Variants in CAMTA1 observed in about 807,000 individuals in gnomAD.
CAMTA1 encodes calmodulin-binding transcription activator 1.
Under a neutral mutation model 170.9 loss-of-function variants are expected in CAMTA1, and 27 were observed. The ratio of observed to expected loss-of-function variants is 0.16; its 90% CI spans 0.12 to 0.22. The LOEUF is 0.22. Among genes scored for constraint, CAMTA1 ranks in the 10% least tolerant of loss-of-function variants. The pLI, the probability that CAMTA1 is intolerant of heterozygous loss-of-function variation, is 1.00. For missense variants in CAMTA1, 1,619 were observed against 2,217.2 expected, an observed-to-expected ratio of 0.73 and a Z score of 5.42; for synonymous variants, 833 against 891.5, an observed-to-expected ratio of 0.93 and a Z score of 1.17.
rs1673636715 is a variant in CAMTA1 at position 6,887,787 on chromosome 1, G to A, written c.234+62577G>A. 2.7e-5 allele frequency: 41 copies of A among 1,531,128 alleles called. No homozygotes were observed. Among genetic ancestry groups the A allele is most frequent in the Non-Finnish European group, 3.5e-5 (40 of 1,144,634 alleles). 94.8% of individuals were successfully genotyped at this position (1,531,128 alleles called of 1,614,324 possible). A position where few individuals can be genotyped will look rare whatever the true frequency, so the allele number is the denominator to read the frequency against. ...AGCTTTCCCATCCTGCCAGCCCCAT[G>A]TCTGGCTTTAAGACAGTTCTATTAG... On this transcript the variant is annotated intron_variant, in intron 3 of 22. Transcript: ENST00000303635. This position sits in a 1 kb window ranked among gnomAD's most constrained non-coding sequence, Gnocchi z 4.1.
intron 4 of CAMTA1, among the ~76,000 whole-genome samples, chr1:7,154,586 C>T (rs1646758250): frequency 6.6e-6 from 1 of 152,114 alleles, no homozygotes; most frequent in African/African-American, 2.4e-5. Flanking sequence ...CTGTCCTGTG[C>T]GTGTGATACT....
At chr1:7,652,888 A>G (rs1205901701) in intron 7 of CAMTA1, among the ~76,000 whole-genome samples, 1 of 151,924 alleles carries the variant, frequency 6.6e-6, no homozygotes, top group African/African-American at 2.4e-5. Flanking sequence ...CTCACCCCCT[A>G]CGCACCTGCT....
chr1:7,136,076 A>G (rs775415389), intron 4 of CAMTA1, among the ~76,000 whole-genome samples: 6 of 151,752 alleles, frequency 4.0e-5, no homozygotes, highest in Non-Finnish European at 7.4e-5. Flanking sequence ...TTTTAAATGT[A>G]TGATCCCTAC....
intron 4 of CAMTA1, among the ~76,000 whole-genome samples, chr1:7,241,189 A>G (rs770643362): frequency 4.5e-4 from 69 of 152,258 alleles, no homozygotes; most frequent in Non-Finnish European, 8.8e-4. Context: ...AATTTCATTC[A>G]TAATATCTTC....
At chr1:6,941,248 G>A (rs34030923) in intron 3 of CAMTA1, among the ~76,000 whole-genome samples, 39,415 of 152,014 alleles carry the variant, frequency 0.26, 5,680 homozygotes, top group East Asian at 0.34. Context: ...AGTTGTCTGC[G>A]GGGCACTGGG....
chr1:7,354,168 AG>A (rs2084916916), intron 5 of CAMTA1, among the ~76,000 whole-genome samples: 1 of 130,910 alleles, frequency 7.6e-6, no homozygotes, highest in African/African-American at 3.3e-5. Context: ...TTTTTTTTTG[AG>A]ACAGAGTCTT....
At chr1:7,727,202 A>G (rs1202573108) in intron 11 of CAMTA1, among the ~76,000 whole-genome samples, 1 of 148,024 alleles carries the variant, frequency 6.8e-6, no homozygotes, top group Non-Finnish European at 1.5e-5. Flanking sequence ...GGCTCACTGC[A>G]AGCTCCGCCT....
intron 6 of CAMTA1, among the ~76,000 whole-genome samples, chr1:7,544,476 T>C (rs2094661485): frequency 6.6e-6 from 1 of 152,090 alleles, no homozygotes; most frequent in African/African-American, 2.4e-5. Context: ...CCATTGAGGG[T>C]CTTTGTGCCA....
At chr1:6,892,349 C>A (rs1309016973) in intron 3 of CAMTA1, among the ~76,000 whole-genome samples, 1 of 152,094 alleles carries the variant, frequency 6.6e-6, no homozygotes, top group African/African-American at 2.4e-5. Context: ...TAACTGCGGC[C>A]CCCTCTGAGA....
chr1:6,920,396 C>T (rs1056581582), intron 3 of CAMTA1, among the ~76,000 whole-genome samples: 2 of 152,206 alleles, frequency 1.3e-5, no homozygotes, highest in African/African-American at 4.8e-5. Flanking sequence ...TTGTAGGGTA[C>T]AGCCTCCCTC....
At chr1:7,656,464 C>T (rs916401411) in intron 7 of CAMTA1, among the ~76,000 whole-genome samples, 1 of 152,260 alleles carries the variant, frequency 6.6e-6, no homozygotes. Context: ...CCTCACTTAA[C>T]CGTAATTACC....
intron 4 of CAMTA1, among the ~76,000 whole-genome samples, chr1:7,147,139 A>G (rs57518633): frequency 0.059 from 8,990 of 152,124 alleles, 636 homozygotes; most frequent in African/African-American, 0.17. Flanking sequence ...TATACCACAC[A>G]GCCAGGCATG....
rs564810048 is a variant in CAMTA1 at position 6,875,806 on chromosome 1, C to T, written c.234+50596C>T. Among the ~76,000 whole-genome samples, 13 of 152,344 alleles carry T rather than the reference C, an allele frequency of 8.5e-5. No individual in the cohort carries two copies. In the South Asian group the frequency reaches 2.1e-3, roughly 24 times the overall value. On this transcript the variant is annotated intron_variant, in intron 3 of 22. Transcript: ENST00000303635. ...AAGAAACACTTGCCCCATCCCAAGA[C>T]TCTTGTTCTAGAGAGATGGATAGGT...
intron 3 of CAMTA1, among the ~76,000 whole-genome samples, chr1:6,892,620 TGTG>T (rs1674766671): frequency 7.3e-6 from 1 of 136,674 alleles, no homozygotes; most frequent in Non-Finnish European, 1.6e-5. Flanking sequence ...TTTTTGCAAA[TGTG>T]GTGGGGGTAG....
At chr1:6,903,737 A>G (rs561978949) in intron 3 of CAMTA1, among the ~76,000 whole-genome samples, 350 of 152,324 alleles carry the variant, frequency 2.3e-3, no homozygotes, top group Non-Finnish European at 3.9e-3. Flanking sequence ...GACTTTCCAT[A>G]TGCCTAATCT....
chr1:6,895,032 C>G (rs1675328172), intron 3 of CAMTA1, among the ~76,000 whole-genome samples: 1 of 152,184 alleles, frequency 6.6e-6, no homozygotes, highest in Non-Finnish European at 1.5e-5. Context: ...AAACTACTTA[C>G]AGGCCCTGAG....
chr1:7,569,478 A>T (rs1239423340), intron 6 of CAMTA1, among the ~76,000 whole-genome samples: 4 of 151,444 alleles, frequency 2.6e-5, no homozygotes, highest in Non-Finnish European at 2.9e-5. Context: ...CTCCATCATC[A>T]TCATGATCAC....
At chr1:7,514,042 A>G (rs1039819009) in intron 6 of CAMTA1, among the ~76,000 whole-genome samples, 7 of 152,244 alleles carry the variant, frequency 4.6e-5, no homozygotes, top group African/African-American at 1.4e-4. Context: ...TGTATCAGCA[A>G]TGAGCCTTTT....
At chr1:6,944,673 G>A (rs1687283878) in intron 3 of CAMTA1, among the ~76,000 whole-genome samples, 2 of 152,112 alleles carry the variant, frequency 1.3e-5, no homozygotes, top group African/African-American at 4.8e-5. Flanking sequence ...ACCCTCCCAT[G>A]CATTTCAGAG....
Sources: allele counts gnomAD v4.1 joint callset (sites outside exome capture counted in the v4.1 genomes callset), GRCh38; gene constraint gnomAD v4.1.1; non-coding constraint Gnocchi (gnomAD v3.1); transcripts MANE v1.5; gene names NCBI Gene and HGNC (gene_info 2026-07-23, HGNC 2026-07-21).